PROSER1: variants seen among roughly 807,000 people sequenced by gnomAD.
PROSER1 encodes proline and serine-rich protein 1.
Under a neutral mutation model 71.8 loss-of-function variants are expected in PROSER1, and 36 were observed. That is an observed-to-expected ratio of 0.50 (90% CI 0.38 to 0.66). The LOEUF (loss-of-function observed/expected upper bound fraction) is 0.66, where lower values mean the gene tolerates loss of function less well. Ranked by LOEUF, PROSER1 falls within the 30% of genes least tolerant of loss-of-function variation. PROSER1 has a pLI of 0.00. For synonymous variants in PROSER1, 490 were observed against 452.4 expected (o/e 1.08, Z -1.06); for missense variants, 1,107 against 1,135.0 (o/e 0.98, Z 0.35).
At chr13:39,021,789 G>A (rs558838900) in intron 9 of PROSER1, among the ~76,000 whole-genome samples, 14 of 152,144 alleles carry the variant, frequency 9.2e-5, no homozygotes, top group African/African-American at 3.1e-4. Context: ...TAATTTAGTG[G>A]GGCTGATTTG....
chr13:39,012,512 G>A (rs1247268087), intron 11 of PROSER1, 179 bp downstream of exon 11: 2 of 642,128 alleles, frequency 3.1e-6, no homozygotes, highest in Non-Finnish European at 5.4e-6. Context: ...TGTATCAACA[G>A]GCATTAATAT....
chr13:39,023,542 A>G (rs1870402259), intron 7 of PROSER1: 1 of 157,230 alleles, frequency 6.4e-6, no homozygotes, highest in Admixed American at 6.3e-5. Context: ...TCCTAAACTG[A>G]TAGGAATTCA....
intron 3 of PROSER1, among the ~76,000 whole-genome samples, chr13:39,030,663 A>G (rs1870794025): frequency 6.6e-6 from 1 of 152,078 alleles, no homozygotes; most frequent in Non-Finnish European, 1.5e-5. Flanking sequence ...GCTGGCCTCA[A>G]GCGATTCTCC....
Position 39,037,615 on chromosome 13 carries a change from A to G in PROSER1, c.-373T>C, listed in dbSNP as rs1230031068. The G allele has an allele frequency of 1.1e-5, 2 of 182,686 alleles. No homozygotes were observed. The highest frequency in any genetic ancestry group is 2.3e-5 in the Non-Finnish European group (2 of 88,270). 11.3% of individuals were successfully genotyped at this position (182,686 alleles called of 1,614,324 possible). ...CTGAGGGCCAGGTGCCGCCAGAGGTAGCTCTTGAAGGCGCTTTCCCAGGTG... is the reference window on the plus strand; with the variant it reads ...CTGAGGGCCAGGTGCCGCCAGAGGTGGCTCTTGAAGGCGCTTTCCCAGGTG... On this transcript the variant is annotated 5_prime_UTR_variant, in exon 1 of 13. Coordinates refer to ENST00000352251, the MANE Select transcript of PROSER1 (RefSeq NM_025138.5).
At position 39,012,796 on chromosome 13, in the gene PROSER1, G is replaced by A. The variant is rs559540995; in HGVS notation, c.2456C>T (p.Thr819Ile). 4 of 1,614,198 alleles carry A rather than the reference G, an allele frequency of 2.5e-6. No individual in the cohort carries two copies. The African/African-American group carries it at 5.3e-5, about 22-fold the overall frequency. ...GGCTGTGGCAGCCACAGGTAGTGGT[G>A]TGACAGCTGCGACTGTAGAGGGCGC... is the stretch of plus-strand genomic sequence containing the variant. ...LQAPSTVAAV[T>I]PLPVAATAPS... Residue 819 changes from threonine (T) to isoleucine (I), a missense_variant, in exon 11 of 13, where the codon ACA (threonine) becomes ATA (isoleucine). Coordinates refer to ENST00000352251, the MANE Select transcript of PROSER1 (RefSeq NM_025138.5).
intron 1 of PROSER1, 33 bp downstream of exon 1, chr13:39,037,164 CT>C (rs763771417): frequency 2.0e-6 from 3 of 1,478,084 alleles, no homozygotes; most frequent in Non-Finnish European, 2.8e-6. Flanking sequence ...GAGAATTCAT[CT>C]CATAAAATAA....
rs1869709908 is a variant in PROSER1 at position 39,012,459 on chromosome 13, C to T, written c.2562-226G>A. 27 of 642,858 alleles carry T rather than the reference C, an allele frequency of 4.2e-5. No individual in the cohort carries two copies. In the South Asian group the frequency reaches 5.4e-4, roughly 13 times the overall value. 39.8% of individuals were successfully genotyped at this position (642,858 alleles called of 1,614,324 possible). On this transcript the variant is annotated intron_variant, in intron 11 of 12. Transcript: ENST00000352251. ...AAGTCTGTTTTGCATATAATCCTTT[C>T]TGCTGTCTTATAAATAAAACTATCA...
At chr13:39,027,096 GTATA>G (rs778653654) in intron 5 of PROSER1, among the ~76,000 whole-genome samples, 1 of 151,888 alleles carries the variant, frequency 6.6e-6, no homozygotes, top group East Asian at 1.9e-4. Flanking sequence ...ATATGTGTGT[GTATA>G]TATATATTCA....
chr13:39,020,351 T>C (rs951178314), intron 9 of PROSER1, among the ~76,000 whole-genome samples: 1 of 152,024 alleles, frequency 6.6e-6, no homozygotes, highest in Non-Finnish European at 1.5e-5. Flanking sequence ...GAAATTACTA[T>C]ATAGCTCTCT....
chr13:39,032,468 G>C (rs542678205), intron 2 of PROSER1, among the ~76,000 whole-genome samples: 1 of 152,226 alleles, frequency 6.6e-6, no homozygotes, highest in South Asian at 2.1e-4. Context: ...TGCTCCAAAA[G>C]GGGAAAAAAG....
At chr13:39,034,820 T>C (rs1566029806) in intron 1 of PROSER1, among the ~76,000 whole-genome samples, 1 of 152,220 alleles carries the variant, frequency 6.6e-6, no homozygotes, top group Non-Finnish European at 1.5e-5. Context: ...AGAATTACTA[T>C]GAAGACTATA....
chr13:39,035,626 C>G (rs913049613), intron 1 of PROSER1, among the ~76,000 whole-genome samples: 1 of 152,118 alleles, frequency 6.6e-6, no homozygotes, highest in East Asian at 1.9e-4. Flanking sequence ...CTTTTTCCCC[C>G]TTTCTACTCC....
chr13:39,020,879 C>T (rs1464499770), intron 9 of PROSER1, among the ~76,000 whole-genome samples: 1 of 152,118 alleles, frequency 6.6e-6, no homozygotes, highest in Non-Finnish European at 1.5e-5. Flanking sequence ...TGTTTTAGTC[C>T]TTCTCACTGC....
intron 5 of PROSER1, 135 bp downstream of exon 5, chr13:39,028,092 G>A: frequency 1.8e-6 from 1 of 548,536 alleles, no homozygotes; most frequent in East Asian, 3.0e-5. Flanking sequence ...CAGACCGCAG[G>A]GATGTTCATT....
At chr13:39,032,095 C>T (rs1870872912) in intron 2 of PROSER1, among the ~76,000 whole-genome samples, 1 of 152,188 alleles carries the variant, frequency 6.6e-6, no homozygotes, top group South Asian at 2.1e-4. Context: ...GAATGGAAAA[C>T]CTTTCAACAC....
At chr13:39,029,212 T>C in intron 4 of PROSER1, 69 bp downstream of exon 4, 2 of 830,274 alleles carry the variant, frequency 2.4e-6, no homozygotes, top group South Asian at 1.7e-5. Context: ...ACACACTAAT[T>C]AGACACTTAA....
chr13:39,021,910 T>C (rs1870308844), intron 9 of PROSER1, among the ~76,000 whole-genome samples: 2 of 152,152 alleles, frequency 1.3e-5, no homozygotes, highest in African/African-American at 4.8e-5. Flanking sequence ...CATTCTAATT[T>C]CAGAGAAATT....
rs762712084 is a variant in PROSER1, at chr13:39,013,660, G to C, written c.1592C>G (p.Ser531Cys). 2 of 1,614,178 alleles carry C rather than the reference G, an allele frequency of 1.2e-6. No individual in the cohort carries two copies. The highest frequency in any genetic ancestry group is 2.2e-5 in the South Asian group (2 of 91,082). The part of the protein sequence containing the change: ...PSAIPTPQRT[S>C]TPGLALFPGL... Reference sequence around the variant, plus strand: ...TGGGAACAGGGCCAACCCTGGAGTGGAAGTCCTCTGTGGGGTAGGGATGGC... The same window carrying C: ...TGGGAACAGGGCCAACCCTGGAGTGCAAGTCCTCTGTGGGGTAGGGATGGC... The change falls in exon 11 of 13, where the codon TCC becomes TGC. Residue 531 changes from serine to cysteine, a missense_variant. Coordinates refer to ENST00000352251, the MANE Select transcript of PROSER1 (RefSeq NM_025138.5).
intron 6 of PROSER1, among the ~76,000 whole-genome samples, chr13:39,025,163 G>C (rs573950023): frequency 6.6e-6 from 1 of 152,106 alleles, no homozygotes; most frequent in East Asian, 1.9e-4. Flanking sequence ...GTTGAAAGTA[G>C]ATAAGAAAAA....
Sources: gnomAD v4.1 joint callset for allele counts (sites outside exome capture counted in the v4.1 genomes callset) on GRCh38, gnomAD v4.1.1 for gene constraint, MANE v1.5 for transcripts, NCBI Gene and HGNC (gene_info 2026-07-23, HGNC 2026-07-21) for gene names.